The following CSMD2 variants were observed in gnomAD, a reference collection of about 807,000 sequenced individuals.
CSMD2 encodes CUB and sushi domain-containing protein 2.
CSMD2 carries 130 observed loss-of-function variants against 398.5 expected under a neutral mutation model. The observed-to-expected ratio is 0.33, with a 90% CI of 0.28 to 0.38. The LOEUF is 0.38. Ranked by LOEUF, CSMD2 falls within the 10% of genes least tolerant of loss-of-function variation. The pLI is 1.00. For synonymous variants in CSMD2, 1,828 were observed against 1,908.5 expected (o/e 0.96, Z 1.10); for missense variants, 3,829 against 4,764.9 (o/e 0.80, Z 5.78).
At chr1:33,629,602 G>A (rs561054411) in intron 32 of CSMD2, among the ~76,000 whole-genome samples, 4 of 152,152 alleles carry the variant, frequency 2.6e-5, no homozygotes, top group East Asian at 1.9e-4. Context: ...GTTGAGTAGC[G>A]GTCCTTAAGC....
chr1:33,738,205 CTCTT>C (rs752913012), intron 15 of CSMD2, among the ~76,000 whole-genome samples: 1 of 152,198 alleles, frequency 6.6e-6, no homozygotes, highest in Non-Finnish European at 1.5e-5. Flanking sequence ...AGTCTCTATC[CTCTT>C]TCTATCACAT....
At chr1:34,104,834 G>A (rs1017646869) in intron 1 of CSMD2, among the ~76,000 whole-genome samples, 1 of 152,172 alleles carries the variant, frequency 6.6e-6, no homozygotes, top group African/African-American at 2.4e-5. Flanking sequence ...TAGGTCATTA[G>A]GGATGCTGGC....
chr1:33,567,615 C>T lies in CSMD2; in HGVS notation c.8358G>A (p.Ser2786=), dbSNP rs760335804. The T allele has an allele frequency of 2.9e-5, 46 of 1,613,962 alleles. No homozygotes were observed. Among genetic ancestry groups the T allele is most frequent in the Admixed American group, 8.3e-5 (5 of 60,000 alleles). Residue 2786 remains serine, a synonymous_variant, in exon 53 of 71, where the codon TCG becomes TCA. Coordinates refer to ENST00000373381, the MANE Select transcript of CSMD2 (RefSeq NM_001281956.2). ...VRICQQDHHW[S]GKTPFCVPIT... is the part of the protein sequence containing the mutation. The stretch of plus-strand genomic sequence containing the variant: ...TACGCACACAGAAAGGGGTCTTGCC[C>T]GACCAGTGATGATCCTGCTGGCAGA...
intron 3 of CSMD2, among the ~76,000 whole-genome samples, chr1:33,986,309 G>A (rs565518829): frequency 1.3e-5 from 2 of 152,182 alleles, no homozygotes; most frequent in African/African-American, 4.8e-5. Context: ...GCTGCTGAAA[G>A]CTTGCCTTCT....
chr1:33,536,976 G>A, intron 62 of CSMD2, 46 bp downstream of exon 62: 1 of 1,574,430 alleles, frequency 6.4e-7, no homozygotes, highest in Non-Finnish European at 8.7e-7. Context: ...ACAGTGACAA[G>A]AAGGGATAGG....
At chr1:34,128,825 TG>T (rs1011218006) in intron 1 of CSMD2, among the ~76,000 whole-genome samples, 9 of 152,102 alleles carry the variant, frequency 5.9e-5, no homozygotes, top group African/African-American at 2.2e-4. Flanking sequence ...TGACTAGGGA[TG>T]GGGGAGGTTC....
intron 22 of CSMD2, among the ~76,000 whole-genome samples, chr1:33,706,902 C>T (rs1246277637): frequency 6.6e-6 from 1 of 151,884 alleles, no homozygotes; most frequent in Non-Finnish European, 1.5e-5. Flanking sequence ...TGTGTGTGTG[C>T]ACGTATGTGT....
At chr1:33,676,082 C>T (rs1303136241) in intron 25 of CSMD2, among the ~76,000 whole-genome samples, 1 of 152,194 alleles carries the variant, frequency 6.6e-6, no homozygotes, top group Admixed American at 6.5e-5. Context: ...CACTCCTATT[C>T]AACATAGTGT....
chr1:33,897,059 A>G (rs936726437), intron 5 of CSMD2, among the ~76,000 whole-genome samples: 11 of 152,146 alleles, frequency 7.2e-5, no homozygotes, highest in Admixed American at 2.0e-4. Context: ...ATTCAGGCCA[A>G]AACAGTATTG....
At chr1:33,912,289 C>T (rs916296343) in intron 5 of CSMD2, among the ~76,000 whole-genome samples, 4 of 152,046 alleles carry the variant, frequency 2.6e-5, no homozygotes, top group Admixed American at 6.6e-5. Flanking sequence ...GACTGGGAAC[C>T]ACTGGCCAAA....
chr1:33,812,259 C>T (rs962052839), intron 9 of CSMD2, among the ~76,000 whole-genome samples: 3 of 152,194 alleles, frequency 2.0e-5, no homozygotes, highest in Non-Finnish European at 2.9e-5. Flanking sequence ...CATTCACCAT[C>T]AAGCAGAGCA....
At chr1:34,086,072 C>T (rs896352326) in intron 2 of CSMD2, among the ~76,000 whole-genome samples, 4 of 151,550 alleles carry the variant, frequency 2.6e-5, no homozygotes, top group Admixed American at 6.6e-5. Context: ...AACAAAGACT[C>T]GACCACACAT....
chr1:33,646,720 T>G lies in CSMD2; in HGVS notation c.4702A>C (p.Ser1568Arg). The change falls in exon 29 of 71, where the codon AGC becomes CGC. Residue 1568 changes from serine (S) to arginine (R), a missense_variant. By Grantham distance (110) the Ser-to-Arg change is moderately radical. Around this residue, in one of 5 missense-constraint regions of CSMD2, gnomAD observed 2,001 missense variants for 2,567.1 expected, o/e 0.78. Coordinates refer to ENST00000373381, the MANE Select transcript of CSMD2 (RefSeq NM_001281956.2). ...CGGAAGGCGAGGAAGAGGCTGTTGC[T>G]GCTGCTTTCAATGCGGCCTGGGAGC... ...SQLPGRIESS[S>R]NSLFLAFRSD... The G allele has an allele frequency of 6.2e-7, 1 of 1,614,220 alleles. No homozygotes were observed. The highest frequency in any genetic ancestry group is 8.5e-7 in the Non-Finnish European group (1 of 1,180,030).
intron 2 of CSMD2, among the ~76,000 whole-genome samples, chr1:34,048,262 C>A (rs1652775090): frequency 6.6e-6 from 1 of 152,184 alleles, no homozygotes; most frequent in Non-Finnish European, 1.5e-5. Context: ...ATATCTACCT[C>A]CCCTAAATCA....
rs369034728 is a variant in CSMD2, at chr1:33,541,140, G to A, written c.9447C>T (p.Pro3149=). 6.2e-6 allele frequency: 10 copies of A among 1,613,782 alleles called. No homozygotes were observed. Among genetic ancestry groups the A allele is most frequent in the Non-Finnish European group, 6.8e-6 (8 of 1,179,922 alleles). Residue 3149 remains proline (P), a synonymous_variant, in exon 59 of 71, where the codon CCC becomes CCT. Transcript: ENST00000373381. ...CAGCCCCAGACACACCTTTGCAGAC[G>A]GGCTTGGTTCCATTCCATGTCCGGT... The part of the protein sequence containing the change: ...TKDRTWNGTK[P]VCKALMCKPP...
intron 1 of CSMD2, among the ~76,000 whole-genome samples, chr1:34,159,339 A>T (rs771127): frequency 1.2e-5 from 1 of 80,834 alleles, no homozygotes. Flanking sequence ...CCCCCCCCCC[A>T]CCCAGGAGCT....
chr1:33,769,055 G>A (rs74658700), intron 13 of CSMD2, among the ~76,000 whole-genome samples: 10,635 of 152,252 alleles, frequency 0.07, 477 homozygotes, highest in South Asian at 0.16. Flanking sequence ...TCCTTAAGAA[G>A]TGTGAAGCAT....
At chr1:34,007,799 G>C (rs2148056087) in intron 3 of CSMD2, among the ~76,000 whole-genome samples, 1 of 152,222 alleles carries the variant, frequency 6.6e-6, no homozygotes, top group South Asian at 2.1e-4. Context: ...ATGCCTGGAA[G>C]AATAAATTAC....
intron 25 of CSMD2, among the ~76,000 whole-genome samples, chr1:33,679,453 G>A (rs1557719267): frequency 6.6e-6 from 1 of 152,090 alleles, no homozygotes; most frequent in African/African-American, 2.4e-5. Flanking sequence ...ACCCACCTCG[G>A]TCTCCCAAAG....
Sources: gnomAD v4.1 joint callset for allele counts (sites outside exome capture counted in the v4.1 genomes callset) on GRCh38, gnomAD v4.1.1 for gene constraint, gnomAD v4.1.1 regional missense constraint, MANE v1.5 for transcripts, NCBI Gene and HGNC (gene_info 2026-07-23, HGNC 2026-07-21) for gene names.